METAP1D: variants seen among roughly 807,000 people sequenced by gnomAD.
METAP1D encodes the protein methionine aminopeptidase 1D, mitochondrial.
Under a neutral mutation model 40.5 loss-of-function variants are expected in METAP1D, and 31 were observed. The ratio of observed to expected loss-of-function variants is 0.77; its 90% CI spans 0.58 to 1.03. The LOEUF (loss-of-function observed/expected upper bound fraction) is 1.03. Among genes scored for constraint, METAP1D ranks in the 50% least tolerant of loss-of-function variants. The pLI is 0.00. For missense variants in METAP1D, 411 were observed against 420.7 expected (o/e 0.98, Z 0.20); for synonymous variants, 151 against 146.4 (o/e 1.03, Z -0.22).
intron 7 of METAP1D, 74 bp downstream of exon 7, chr2:172,077,968 C>G (rs2105503329): frequency 2.6e-6 from 2 of 767,108 alleles, no homozygotes; most frequent in East Asian, 5.9e-5. Context: ...GAAGCTCTTC[C>G]TCTGACTTTG....
chr2:172,005,545 T>TATATATATATATATA (rs1558990285), intron 1 of METAP1D, among the ~76,000 whole-genome samples: 1 of 99,524 alleles, frequency 1.0e-5, no homozygotes, highest in Non-Finnish European at 2.3e-5. Context: ...TATATATATA[T>TATATATATATATATA]CTTTTTTTTT....
intron 1 of METAP1D, among the ~76,000 whole-genome samples, chr2:172,055,673 C>A (rs1370818426): frequency 1.3e-5 from 2 of 152,154 alleles, no homozygotes; most frequent in Non-Finnish European, 2.9e-5. Context: ...GGAATAAACA[C>A]AGTATGGCAC....
chr2:172,012,225 C>G (rs1273014549), intron 1 of METAP1D, among the ~76,000 whole-genome samples: 2 of 152,184 alleles, frequency 1.3e-5, no homozygotes, highest in African/African-American at 4.8e-5. Flanking sequence ...ATACCAACCT[C>G]TTTAAGAATT....
Position 172,071,030 on chromosome 2 carries a change from A to G in METAP1D, c.664A>G (p.Arg222Gly), listed in dbSNP as rs769778064. ...RCRDEAIAACRAGAPFSVIGN... is the reference protein window; with the variant it reads ...RCRDEAIAACGAGAPFSVIGN... Reference sequence around the variant, plus strand: ...TAGAGATGAAGCAATTGCAGCTTGCAGAGCAGGGGCTCCCTTCTCTGTAAT... The same window carrying G: ...TAGAGATGAAGCAATTGCAGCTTGCGGAGCAGGGGCTCCCTTCTCTGTAAT... Residue 222 changes from arginine to glycine, a missense_variant, in exon 6 of 10, where the codon AGA becomes GGA. Transcript: ENST00000315796. 1 of 1,612,890 alleles carries G rather than the reference A, an allele frequency of 6.2e-7. No individual in the cohort carries two copies. The highest frequency in any genetic ancestry group is 8.5e-7 in the Non-Finnish European group (1 of 1,179,230).
At chr2:172,070,293 G>T (rs1336409641) in intron 5 of METAP1D, among the ~76,000 whole-genome samples, 9 of 152,126 alleles carry the variant, frequency 5.9e-5, no homozygotes, top group African/African-American at 1.9e-4. Context: ...ACGTTCGGCT[G>T]TCTGGAACAT....
chr2:172,078,099 A>G (rs1559023478), intron 7 of METAP1D, among the ~76,000 whole-genome samples: 1 of 152,102 alleles, frequency 6.6e-6, no homozygotes, highest in Non-Finnish European at 1.5e-5. Flanking sequence ...AGCTGTTTCA[A>G]TCCCAAAATA....
At chr2:172,019,576 A>G (rs1388327215) in intron 1 of METAP1D, among the ~76,000 whole-genome samples, 1 of 151,716 alleles carries the variant, frequency 6.6e-6, no homozygotes. Flanking sequence ...AAATATATAC[A>G]TATTATATAT....
At chr2:172,023,857 CTTT>C (rs11355201) in intron 1 of METAP1D, among the ~76,000 whole-genome samples, 1 of 139,146 alleles carries the variant, frequency 7.2e-6, no homozygotes, top group Non-Finnish European at 1.5e-5. Context: ...CTGTAAAATT[CTTT>C]TTTTTTTTTT....
chr2:172,010,748 G>GTTTT (rs375241055), intron 1 of METAP1D, among the ~76,000 whole-genome samples: 1 of 120,268 alleles, frequency 8.3e-6, no homozygotes, highest in African/African-American at 3.1e-5. Context: ...CCTGCCCAAT[G>GTTTT]TTTTTTTTTT....
At chr2:172,036,202 A>T (rs1465107712) in intron 1 of METAP1D, among the ~76,000 whole-genome samples, 1 of 149,818 alleles carries the variant, frequency 6.7e-6, no homozygotes. Flanking sequence ...CTGTAGTCCC[A>T]GCTACTTGGG....
intron 1 of METAP1D, among the ~76,000 whole-genome samples, chr2:172,038,553 T>A (rs1280405066): frequency 6.6e-6 from 1 of 152,228 alleles, no homozygotes; most frequent in Non-Finnish European, 1.5e-5. Flanking sequence ...GGATATTTTT[T>A]AAATTGTAGC....
chr2:172,076,293 A>T (rs185511022), intron 6 of METAP1D, among the ~76,000 whole-genome samples: 71 of 150,986 alleles, frequency 4.7e-4, no homozygotes, highest in Non-Finnish European at 8.4e-4. Flanking sequence ...AACATAATTT[A>T]TAGGTTTAGG....
chr2:172,060,197 C>G (rs1331051725), intron 1 of METAP1D, among the ~76,000 whole-genome samples: 1 of 152,170 alleles, frequency 6.6e-6, no homozygotes, highest in Non-Finnish European at 1.5e-5. Context: ...GGGAGGATCG[C>G]TTGAGCCCAG....
rs1312327785 is a variant in METAP1D, at chr2:172,042,565, A to C, written c.41-18933A>C. Among the ~76,000 whole-genome samples, 2 of 52,548 alleles carry C rather than the reference A, an allele frequency of 3.8e-5. 1 individual carries two copies. The highest frequency in any genetic ancestry group is 1.4e-4 in the African/African-American group (2 of 13,942). 34.5% of individuals were successfully genotyped at this position (52,548 alleles called of 152,430 possible). On this transcript the variant is annotated intron_variant, in intron 1 of 9. Transcript: ENST00000315796. ...TATATGTGTGTATGTGTACATGTGC[A>C]CATATATACATATATGTGTGTATGT...
intron 6 of METAP1D, among the ~76,000 whole-genome samples, chr2:172,072,858 A>G (rs982050653): frequency 2.0e-5 from 3 of 152,114 alleles, no homozygotes; most frequent in African/African-American, 7.2e-5. Context: ...AAATGGTTTC[A>G]TTATAGGGTT....
At chr2:172,022,615 C>G (rs1689032374) in intron 1 of METAP1D, among the ~76,000 whole-genome samples, 1 of 152,062 alleles carries the variant, frequency 6.6e-6, no homozygotes, top group Admixed American at 6.6e-5. Context: ...TTTTTGCAAT[C>G]TGGGTTGTAT....
intron 1 of METAP1D, among the ~76,000 whole-genome samples, chr2:172,059,958 G>GGA (rs777742900): frequency 7.2e-5 from 11 of 152,292 alleles, no homozygotes; most frequent in Non-Finnish European, 1.6e-4. Flanking sequence ...GGCTGAGGCA[G>GGA]GAGAATTGCT....
intron 1 of METAP1D, among the ~76,000 whole-genome samples, chr2:172,012,218 C>T (rs1479491407): frequency 1.3e-5 from 2 of 152,166 alleles, no homozygotes; most frequent in East Asian, 3.9e-4. Context: ...CTCCTGAATA[C>T]CAACCTCTTT....
chr2:172,069,795 A>G (rs1690379914), intron 5 of METAP1D, among the ~76,000 whole-genome samples: 1 of 152,180 alleles, frequency 6.6e-6, no homozygotes, highest in Admixed American at 6.5e-5. Flanking sequence ...ACCAACCTTA[A>G]ACAAGTTACT....
Sources: gnomAD v4.1 joint callset for allele counts (sites outside exome capture counted in the v4.1 genomes callset) on GRCh38, gnomAD v4.1.1 for gene constraint, MANE v1.5 for transcripts, NCBI Gene and HGNC (gene_info 2026-07-23, HGNC 2026-07-21) for gene names.